NIT1: variants seen among roughly 807,000 people sequenced by gnomAD.
The protein encoded by NIT1 is deaminated glutathione amidase.
A neutral mutation model predicts 36.8 loss-of-function variants in NIT1; 30 were observed. The ratio of observed to expected loss-of-function variants is 0.82; its 90% confidence interval spans 0.61 to 1.11. NIT1 has a LOEUF of 1.11. Ranked by LOEUF, NIT1 falls within the 50% of genes least tolerant of loss-of-function variation. NIT1 has a pLI of 0.00. For synonymous variants in NIT1, 151 were observed against 155.6 expected, an observed-to-expected ratio of 0.97 and a Z score of 0.22; for missense variants, 438 against 410.6, an observed-to-expected ratio of 1.07 and a Z score of -0.58.
At chr1:161,124,792 T>G (rs1655979438), downstream of NIT1, 2 of 225,652 alleles carry the variant, frequency 8.9e-6, no homozygotes, top group Non-Finnish European at 1.7e-5. Flanking sequence ...GGAGACCCGT[T>G]TCTACAAAAA....
chr1:161,122,163 A>G (rs749872816), downstream of NIT1: 2 of 1,613,494 alleles, frequency 1.2e-6, no homozygotes, highest in South Asian at 2.2e-5. The surrounding 1 kb of genome is among the most constrained non-coding windows in gnomAD (Gnocchi z 4.2). Flanking sequence ...CAATGCTTGC[A>G]GCATCAAGTT....
chr1:161,123,902 G>A (rs759977685), downstream of NIT1: 4 of 1,613,970 alleles, frequency 2.5e-6, no homozygotes, highest in African/African-American at 2.7e-5. Context: ...GTCACATAGC[G>A]AATTGATGTC....
chr1:161,124,538 G>A, downstream of NIT1: 1 of 1,534,016 alleles, frequency 6.5e-7, no homozygotes, highest in Non-Finnish European at 8.8e-7. Context: ...TGAAAGGGCA[G>A]GGAAAGAACC....
chr1:161,123,516 GT>G (rs1396765453), downstream of NIT1, among the ~76,000 whole-genome samples: 1 of 151,812 alleles, frequency 6.6e-6, no homozygotes, highest in Non-Finnish European at 1.5e-5. Context: ...GGCGCCTGTA[GT>G]CCCAGCTACT....
chr1:161,118,163 T>C lies in NIT1; in HGVS notation c.-14T>C. 1 of 1,614,064 alleles carries C rather than the reference T, an allele frequency of 6.2e-7. No individual in the cohort carries two copies. Among genetic ancestry groups the C allele is most frequent in the African/African-American group, 1.3e-5 (1 of 75,050 alleles). Reference sequence around the variant, plus strand: ...TCCGGATCGGACCCTGCGAATGGTTTTGGCTATATCTTCATGTAGGACCTA... The same window carrying C: ...TCCGGATCGGACCCTGCGAATGGTTCTGGCTATATCTTCATGTAGGACCTA... On this transcript the variant is annotated 5_prime_UTR_variant, in exon 1 of 7. Transcript: ENST00000368009.
At chr1:161,124,774 C>A, downstream of NIT1, 1 of 281,642 alleles carries the variant, frequency 3.6e-6, no homozygotes, top group Non-Finnish European at 6.4e-6. Flanking sequence ...CCAGCCTGGG[C>A]AACATAGGGA....
rs1038412831 is a variant in NIT1, at chr1:161,118,109, G to C, written c.-68G>C. On this transcript the variant is annotated 5_prime_UTR_variant, in exon 1 of 7. Coordinates refer to ENST00000368009, the MANE Select transcript of NIT1 (RefSeq NM_005600.3). ...CCGGCCTGCGAGTTACCGCCCACTC[G>C]CTGCGGCGCTTCTGGCTCCAGACCG... 29 of 1,613,062 alleles carry C rather than the reference G, an allele frequency of 1.8e-5. 1 individual carries two copies. The highest frequency in any genetic ancestry group is 2.2e-5 in the Non-Finnish European group (26 of 1,179,720).
At chr1:161,123,226 C>T (rs372379351), downstream of NIT1, 6 of 1,611,032 alleles carry the variant, frequency 3.7e-6, no homozygotes, top group Non-Finnish European at 4.2e-6. Context: ...GAGGCACTGA[C>T]CAGAAAGTAA....
chr1:161,120,724 A>G lies in NIT1; in HGVS notation c.943A>G (p.Arg315Gly), dbSNP rs776963968. 4 of 1,613,800 alleles carry G rather than the reference A, an allele frequency of 2.5e-6. No individual in the cohort carries two copies. The highest frequency in any genetic ancestry group is 3.4e-6 in the Non-Finnish European group (4 of 1,180,054). ...ACACCTGCCTGTGTTCCAGCACCGCAGGCCTGACCTCTATGGCAATCTGGG... is the reference window on the plus strand; with the variant it reads ...ACACCTGCCTGTGTTCCAGCACCGCGGGCCTGACCTCTATGGCAATCTGGG... The part of the protein sequence containing the change: ...RRHLPVFQHR[R>G]PDLYGNLGHP... The change falls in exon 7 of 7, where the codon AGG (arginine) becomes GGG (glycine). Residue 315 changes from arginine (R) to glycine (G), a missense_variant. Arg to Gly is a moderately radical substitution (Grantham distance 125). Transcript: ENST00000368009.
At chr1:161,118,304 G>A (rs1655050929) in intron 1 of NIT1, 126 bp downstream of exon 1, 14 of 1,571,300 alleles carry the variant, frequency 8.9e-6, no homozygotes, top group African/African-American at 1.3e-5. Flanking sequence ...GGCGGCGGGA[G>A]GGTGGAGGGC....
intron 6 of NIT1, 115 bp downstream of exon 6, chr1:161,120,347 G>T (rs948599546): frequency 1.4e-6 from 2 of 1,474,310 alleles, no homozygotes; most frequent in African/African-American, 2.8e-5. Flanking sequence ...TCATTCCCCA[G>T]ATATTTCTCT....
chr1:161,119,199 C>T lies in NIT1; in HGVS notation c.164C>T (p.Thr55Ile). 2.5e-6 allele frequency: 4 copies of T among 1,614,208 alleles called. No individual in the cohort carries two copies. The highest frequency in any genetic ancestry group is 2.5e-6 in the Non-Finnish European group (3 of 1,180,044). ...CCCCTGGTGGCTGTGTGCCAGGTAA[C>T]ATCGACGCCAGACAAGCAACAGAAC... ...ELPLVAVCQV[T>I]STPDKQQNFK... is the part of the protein sequence containing the mutation. The change falls in exon 3 of 7, where the codon ACA becomes ATA. Residue 55 changes from threonine to isoleucine, a missense_variant. By Grantham distance (89) the Thr-to-Ile change is moderately conservative. Coordinates refer to ENST00000368009, the MANE Select transcript of NIT1 (RefSeq NM_005600.3).
chr1:161,120,908 G>A lies in NIT1; in HGVS notation c.*143G>A. On this transcript the variant is annotated 3_prime_UTR_variant, in exon 7 of 7. Transcript: ENST00000368009. ...TGACTCTCTTGATGGAACACAGATG[G>A]GCTGCTTGGGAAAGAAACTTTCACC... The A allele has an allele frequency of 7.0e-7, 1 of 1,433,912 alleles. No individual in the cohort carries two copies. Among genetic ancestry groups the A allele is most frequent in the Non-Finnish European group, 9.1e-7 (1 of 1,098,246 alleles). The allele number at this position is 1,433,912 out of a possible 1,614,324, so 88.8% of individuals were successfully genotyped here. A position where few individuals can be genotyped will look rare whatever the true frequency, so the allele number is the denominator to read the frequency against.
At chr1:161,123,027 ATTCTCC>A, downstream of NIT1, 1 of 1,614,204 alleles carries the variant, frequency 6.2e-7, no homozygotes, top group African/African-American at 1.3e-5. Flanking sequence ...AGTTCTTTAT[ATTCTCC>A]TTCAAGTCTG....
intron 3 of NIT1, 47 bp from the exon 4 acceptor site, chr1:161,119,462 G>C: frequency 6.2e-7 from 1 of 1,613,458 alleles, no homozygotes; most frequent in Non-Finnish European, 8.5e-7. Flanking sequence ...TATGAGGGTA[G>C]AGCCTTGAGA....
At chr1:161,122,950 C>T, downstream of NIT1, 3 of 1,575,822 alleles carry the variant, frequency 1.9e-6, no homozygotes, top group Non-Finnish European at 1.7e-6. This position sits in a 1 kb window ranked among gnomAD's most constrained non-coding sequence, Gnocchi z 4.2. Context: ...AACCATTCAG[C>T]CTCACTTTGC....
rs1557973363 is a variant in NIT1, at chr1:161,120,651, C to A, written c.870C>A (p.Gly290=). Residue 290 remains glycine, a synonymous_variant, in exon 7 of 7, where the codon GGC becomes GGA. Transcript: ENST00000368009. The part of the protein sequence containing the change: ...TVVARCSEGP[G]LCLARIDLNY... ...TGGCCCGCTGCTCTGAGGGGCCAGG[C>A]CTCTGCCTTGCCCGAATAGACCTCA... 1 of 1,614,210 alleles carries A rather than the reference C, an allele frequency of 6.2e-7. No homozygotes were observed.
At chr1:161,120,348 A>C in intron 6 of NIT1, 116 bp downstream of exon 6, 1 of 1,475,566 alleles carries the variant, frequency 6.8e-7, no homozygotes, top group South Asian at 1.2e-5. Flanking sequence ...CATTCCCCAG[A>C]TATTTCTCTC....
chr1:161,121,943 G>C, downstream of NIT1: 1 of 614,006 alleles, frequency 1.6e-6, no homozygotes, highest in African/African-American at 1.8e-5. Flanking sequence ...AAATGGAAAA[G>C]GGAAATAAAG....
Sources: allele counts gnomAD v4.1 joint callset (sites outside exome capture counted in the v4.1 genomes callset), GRCh38; gene constraint gnomAD v4.1.1; non-coding constraint Gnocchi (gnomAD v3.1); transcripts MANE v1.5; gene names NCBI Gene and HGNC (gene_info 2026-07-23, HGNC 2026-07-21).